Variants in PPARGC1A observed in about 807,000 individuals in gnomAD.
PPARGC1A encodes PPARG coactivator 1 alpha.
Under a neutral mutation model 88.7 loss-of-function variants are expected in PPARGC1A, and 25 were observed. That is an observed-to-expected ratio of 0.28 (90% CI 0.21 to 0.39). The LOEUF (loss-of-function observed/expected upper bound fraction) is 0.39. Ranked by LOEUF, PPARGC1A falls within the 10% of genes least tolerant of loss-of-function variation. The pLI, the probability that PPARGC1A is intolerant of heterozygous loss-of-function variation, is 1.00. For missense variants in PPARGC1A, 880 were observed against 968.7 expected, an observed-to-expected ratio of 0.91 and a Z score of 1.22; for synonymous variants, 363 against 355.6, an observed-to-expected ratio of 1.02 and a Z score of -0.24.
chr4:24,216,212 A>C, the PPARGC1A span, among the ~76,000 whole-genome samples: 1 of 135,886 alleles, frequency 7.4e-6, no homozygotes, highest in Non-Finnish European at 1.5e-5. Context: ...CAATAGTGTC[A>C]TCTCACCTCA....
At chr4:23,838,101 C>T (rs182874413) in intron 2 of PPARGC1A, among the ~76,000 whole-genome samples, 11 of 152,298 alleles carry the variant, frequency 7.2e-5, no homozygotes, top group South Asian at 2.1e-4. Flanking sequence ...CTAATCAGAA[C>T]AGACACCACT....
upstream of PPARGC1A, among the ~76,000 whole-genome samples, chr4:23,891,778 T>C (rs1360910327): frequency 6.6e-6 from 1 of 152,218 alleles, no homozygotes; most frequent in East Asian, 1.9e-4. Flanking sequence ...GTTTTAATTT[T>C]CTAATGAAAG....
the PPARGC1A span, among the ~76,000 whole-genome samples, chr4:24,238,900 T>C: frequency 6.6e-6 from 1 of 152,070 alleles, no homozygotes; most frequent in African/African-American, 2.4e-5. Flanking sequence ...CGATTCCCTA[T>C]ATTTTCCTGC....
the PPARGC1A span, among the ~76,000 whole-genome samples, chr4:24,044,534 G>A: frequency 6.8e-6 from 1 of 146,422 alleles, no homozygotes; most frequent in Admixed American, 7.0e-5. Context: ...CTACCCACCA[G>A]CATTAACGGG....
chr4:24,250,694 G>A, the PPARGC1A span, among the ~76,000 whole-genome samples: 9 of 152,180 alleles, frequency 5.9e-5, no homozygotes, highest in Non-Finnish European at 1.3e-4. Flanking sequence ...CAGGTCTCAG[G>A]CTGGCCATTC....
the PPARGC1A span, among the ~76,000 whole-genome samples, chr4:24,344,239 A>G: frequency 6.6e-6 from 1 of 152,050 alleles, no homozygotes; most frequent in Non-Finnish European, 1.5e-5. Flanking sequence ...TTGAATAATG[A>G]CTTCTTTTCC....
At chr4:24,351,303 G>A in the PPARGC1A span, among the ~76,000 whole-genome samples, 30,411 of 150,610 alleles carry the variant, frequency 0.2, 3,181 homozygotes, top group South Asian at 0.22. Context: ...TTACTGAAGC[G>A]AGAGGATCAC....
the PPARGC1A span, among the ~76,000 whole-genome samples, chr4:24,020,071 A>G: frequency 1.3e-5 from 2 of 152,134 alleles, no homozygotes; most frequent in African/African-American, 2.4e-5. Flanking sequence ...GAAAAATAAA[A>G]TCTCTGCAGG....
At chr4:24,336,020 T>C in the PPARGC1A span, among the ~76,000 whole-genome samples, 1 of 152,186 alleles carries the variant, frequency 6.6e-6, no homozygotes, top group Admixed American at 6.5e-5. Context: ...ACACCAGTTG[T>C]CTTTCTCTTC....
Position 23,813,088 on chromosome 4 carries a change from G to C in PPARGC1A, c.1831C>G (p.Arg611Gly). The change falls in exon 9 of 13, where the codon CGC (arginine) becomes GGC (glycine). Residue 611 changes from arginine (R) to glycine (G), a missense_variant. By Grantham distance (125) the Arg-to-Gly change is moderately radical (BLOSUM62 -2). Transcript: ENST00000264867. ...TACAAGGGAGAATTTCGGTGCGTGC[G>C]GTGTCTGTAGTGGCTTGACTCATAG... ...YYYESSHYRH[R>G]THRNSPLYVR... The C allele has an allele frequency of 6.2e-7, 1 of 1,614,028 alleles. No homozygotes were observed. The highest frequency in any genetic ancestry group is 8.5e-7 in the Non-Finnish European group (1 of 1,179,956).
the PPARGC1A span, among the ~76,000 whole-genome samples, chr4:24,148,707 G>C: frequency 2.0e-5 from 3 of 152,174 alleles, no homozygotes; most frequent in African/African-American, 7.2e-5. Flanking sequence ...ACGTGTCTGT[G>C]ATGAATCCTC....
chr4:23,874,211 C>T (rs10028665), intron 2 of PPARGC1A, among the ~76,000 whole-genome samples: 31,304 of 152,056 alleles, frequency 0.21, 4,103 homozygotes, highest in Non-Finnish European at 0.29. Context: ...GAAGCTTCAC[C>T]ATTATAAATA....
upstream of PPARGC1A, among the ~76,000 whole-genome samples, chr4:23,907,268 G>A (rs888679678): frequency 1.4e-4 from 21 of 152,114 alleles, no homozygotes; most frequent in Admixed American, 9.2e-4. Context: ...GATTATAACC[G>A]AGTAGCAATG....
At chr4:24,223,918 TC>T in the PPARGC1A span, among the ~76,000 whole-genome samples, 4 of 152,236 alleles carry the variant, frequency 2.6e-5, no homozygotes, top group Non-Finnish European at 5.9e-5. Context: ...TTAACAGTTT[TC>T]CCTTTTTTAA....
the PPARGC1A span, among the ~76,000 whole-genome samples, chr4:24,081,519 C>T: frequency 2.6e-5 from 4 of 152,138 alleles, no homozygotes; most frequent in African/African-American, 4.8e-5. Flanking sequence ...GCAAGAAGCT[C>T]GTGCCCAAAG....
the PPARGC1A span, among the ~76,000 whole-genome samples, chr4:23,959,330 G>A: frequency 2.6e-5 from 4 of 152,186 alleles, no homozygotes; most frequent in East Asian, 3.9e-4. Flanking sequence ...TCCAAATTAC[G>A]TGCAGGCATC....
chr4:24,040,068 T>C, the PPARGC1A span, among the ~76,000 whole-genome samples: 7 of 152,202 alleles, frequency 4.6e-5, no homozygotes, highest in Admixed American at 4.6e-4. Context: ...CTTCTCCAGT[T>C]TGAACAACTG....
chr4:24,127,740 A>T, the PPARGC1A span, among the ~76,000 whole-genome samples: 1 of 152,094 alleles, frequency 6.6e-6, no homozygotes, highest in African/African-American at 2.4e-5. Flanking sequence ...CGTGTTTCAT[A>T]AGCATCAATA....
At chr4:23,983,089 A>G in the PPARGC1A span, among the ~76,000 whole-genome samples, 3 of 152,126 alleles carry the variant, frequency 2.0e-5, no homozygotes, top group Non-Finnish European at 4.4e-5. Flanking sequence ...TTACAGAAAA[A>G]AAGTTTAACT....
Sources: gnomAD v4.1 joint callset for allele counts (sites outside exome capture counted in the v4.1 genomes callset) on GRCh38, gnomAD v4.1.1 for gene constraint, MANE v1.5 for transcripts, NCBI Gene and HGNC (gene_info 2026-07-23, HGNC 2026-07-21) for gene names.